The following PLD2 variants were observed in gnomAD, a reference collection of about 807,000 sequenced individuals.
PLD2 encodes the protein phospholipase D2.
In PLD2, 101 loss-of-function variants were observed where a neutral mutation model predicts 119.8. That is an observed-to-expected ratio of 0.84 (90% CI 0.72 to 0.99). The LOEUF (loss-of-function observed/expected upper bound fraction) is 0.99, where lower values mean the gene tolerates loss of function less well. PLD2 is among the 50% of genes least tolerant of loss of function. The probability of loss-of-function intolerance (pLI) is 0.00; values close to 1 mark genes in which losing one functional copy is unlikely to be tolerated. For missense variants in PLD2, 1,164 were observed against 1,226.8 expected (o/e 0.95, Z 0.76); for synonymous variants, 494 against 482.8 (o/e 1.02, Z -0.30).
rs1323388656 is a variant in PLD2, at chr17:4,818,831, C to G, written c.2173+8C>G. On this transcript the variant is annotated splice_region_variant and intron_variant, in intron 21 of 24. Coordinates refer to ENST00000263088, the MANE Select transcript of PLD2 (RefSeq NM_002663.5). ...ATCGCCTTAAAGCAGCCAGTGAGTG[C>G]TGGGGGCTGGGGGCTCAAGCCCTGG... 6.2e-7 allele frequency: 1 copy of G among 1,613,478 alleles called. No individual in the cohort carries two copies. Among genetic ancestry groups the G allele is most frequent in the South Asian group, 1.1e-5 (1 of 91,062 alleles).
At chr17:4,816,042 C>T (rs922879380) in intron 14 of PLD2, 108 bp downstream of exon 14, 79 of 809,786 alleles carry the variant, frequency 9.8e-5, no homozygotes, top group Middle Eastern at 4.7e-4. Context: ...CCCTGCCAAC[C>T]TCAGGGTTCC....
chr17:4,809,757 C>T lies in PLD2; in HGVS notation c.681C>T (p.Asp227=), dbSNP rs780574072. The T allele has an allele frequency of 4.3e-6, 7 of 1,614,100 alleles. No homozygotes were observed. The highest frequency in any genetic ancestry group is 5.9e-6 in the Non-Finnish European group (7 of 1,179,966). The change falls in exon 8 of 25, where the codon GAC becomes GAT. Residue 227 remains aspartate (D), a synonymous_variant. Coordinates refer to ENST00000263088, the MANE Select transcript of PLD2 (RefSeq NM_002663.5). ...RVPGLTCCGR[D]QVCYRWSKRW... Reference sequence around the variant, plus strand: ...CTGGCCTCACCTGCTGTGGCCGAGACCAAGTTTGTTATCGCTGGTCCAAGA... The same window carrying T: ...CTGGCCTCACCTGCTGTGGCCGAGATCAAGTTTGTTATCGCTGGTCCAAGA...
chr17:4,817,017 C>T lies in PLD2; in HGVS notation c.1663C>T (p.Leu555Phe). 6.2e-7 allele frequency: 1 copy of T among 1,613,940 alleles called. No individual in the cohort carries two copies. The highest frequency in any genetic ancestry group is 1.3e-5 in the African/African-American group (1 of 75,052). Residue 555 changes from leucine to phenylalanine, a missense_variant, in exon 16 of 25, where the codon CTT becomes TTT. By Grantham distance (22) the Leu-to-Phe change is conservative (BLOSUM62 0). Coordinates refer to ENST00000263088, the MANE Select transcript of PLD2 (RefSeq NM_002663.5). ...CGTCCATGGCCTACCGGCCCGGGAC[C>T]TTGCCCGGCACTTCATCCAGCGCTG... Reference protein sequence around the residue: ...VVVHGLPARDLARHFIQRWNF... With the variant: ...VVVHGLPARDFARHFIQRWNF...
chr17:4,819,426 C>A lies in PLD2; in HGVS notation c.2309-3C>A. The A allele has an allele frequency of 1.2e-6, 2 of 1,613,142 alleles. No individual in the cohort carries two copies. The highest frequency in any genetic ancestry group is 3.3e-4 in the Middle Eastern group (2 of 6,062). ...CACACAGTGTGCCCCGCATCCACCC[C>A]AGGTTCTGCAAACATCAATGACCGG... On this transcript the variant is annotated splice_polypyrimidine_tract_variant and splice_region_variant and intron_variant, in intron 22 of 24. Coordinates refer to ENST00000263088, the MANE Select transcript of PLD2 (RefSeq NM_002663.5). This position sits in a 1 kb window ranked among gnomAD's most constrained non-coding sequence, Gnocchi z 4.2.
At chr17:4,810,980 G>A (rs375544218) in intron 10 of PLD2, 29 bp downstream of exon 10, 1 of 1,586,196 alleles carries the variant, frequency 6.3e-7, no homozygotes, top group African/African-American at 1.3e-5. Context: ...TTCTGAGCTT[G>A]TCTGTGGCTT....
chr17:4,814,971 G>C (rs1263695686), intron 12 of PLD2, among the ~76,000 whole-genome samples: 1 of 152,034 alleles, frequency 6.6e-6, no homozygotes, highest in African/African-American at 2.4e-5. Flanking sequence ...GTTATCTGGG[G>C]GTATACATGT....
At position 4,815,943 on chromosome 17, in the gene PLD2, C is replaced by G. The variant is rs368920476; in HGVS notation, c.1455+9C>G. On this transcript the variant is annotated intron_variant, in intron 14 of 24. Transcript: ENST00000263088. ...AATCAGCTGCCTCCCAGGTAATCCC[C>G]CTGAGGCCTTCCTGAGCACCCCCAA... is the stretch of plus-strand genomic sequence containing the variant. The G allele has an allele frequency of 1.2e-4, 199 of 1,595,674 alleles. 1 individual carries two copies. The Middle Eastern group carries it at 1.8e-3, about 15-fold the overall frequency.
At chr17:4,822,111 G>A (rs1907737857) in intron 24 of PLD2, among the ~76,000 whole-genome samples, 1 of 152,128 alleles carries the variant, frequency 6.6e-6, no homozygotes, top group African/African-American at 2.4e-5. Flanking sequence ...GGGAGGCCAA[G>A]GCCCGGTGGA....
At chr17:4,822,078 C>A (rs927903049) in intron 24 of PLD2, among the ~76,000 whole-genome samples, 171 bp downstream of exon 24, 2 of 152,096 alleles carry the variant, frequency 1.3e-5, no homozygotes, top group Non-Finnish European at 2.9e-5. Context: ...TGCAGTGGCT[C>A]ATGCCTGTAA....
chr17:4,814,949 A>G (rs1438254647), intron 12 of PLD2, among the ~76,000 whole-genome samples: 1 of 152,080 alleles, frequency 6.6e-6, no homozygotes, highest in African/African-American at 2.4e-5. Context: ...AGTATACATA[A>G]TACTTTATTG....
At chr17:4,820,202 C>A (rs1199984321) in intron 23 of PLD2, among the ~76,000 whole-genome samples, 2 of 151,530 alleles carry the variant, frequency 1.3e-5, no homozygotes, top group Non-Finnish European at 2.9e-5. Context: ...CTTCAGCATT[C>A]CAAAGTGCTG....
rs1313596494 is a variant in PLD2, at chr17:4,814,517, C to T, written c.1094+16C>T. 1.3e-5 allele frequency: 21 copies of T among 1,612,698 alleles called. No individual in the cohort carries two copies. The highest frequency in any genetic ancestry group is 1.7e-5 in the Non-Finnish European group (20 of 1,179,492). On this transcript the variant is annotated intron_variant, in intron 11 of 24. Coordinates refer to ENST00000263088, the MANE Select transcript of PLD2 (RefSeq NM_002663.5). ...CAGACTGGTGGTGAGTGGGAAAAGGCCCCAACAACATGGGGCAGGATAGAG... is the reference window on the plus strand; with the variant it reads ...CAGACTGGTGGTGAGTGGGAAAAGGTCCCAACAACATGGGGCAGGATAGAG...
chr17:4,820,924 A>T (rs890629890), intron 23 of PLD2, among the ~76,000 whole-genome samples: 10 of 145,668 alleles, frequency 6.9e-5, no homozygotes, highest in Non-Finnish European at 1.5e-4. Flanking sequence ...TTTCTTTTTG[A>T]GACGGAGTCG....
At position 4,808,571 on chromosome 17, in the gene PLD2, C is replaced by A. The variant is rs935445644; in HGVS notation, c.383+155C>A. The A allele has an allele frequency of 4.3e-6, 3 of 703,170 alleles. No homozygotes were observed. In the East Asian group the frequency reaches 7.7e-5, roughly 18 times the overall value. 43.6% of individuals were successfully genotyped at this position (703,170 alleles called of 1,614,324 possible). A position where few individuals can be genotyped will look rare whatever the true frequency, so the allele number is the denominator to read the frequency against. The stretch of plus-strand genomic sequence containing the variant: ...TTACCAGGAAACTTTCCCTGCTCAG[C>A]TTTCCCTGTCCATGGTTCTGTGCCA... On this transcript the variant is annotated intron_variant, in intron 4 of 24. Transcript: ENST00000263088. The surrounding 1 kb of genome is among the most constrained non-coding windows in gnomAD (Gnocchi z 4.1).
intron 17 of PLD2, among the ~76,000 whole-genome samples, chr17:4,817,678 G>T (rs930045557): frequency 6.8e-6 from 1 of 147,666 alleles, no homozygotes; most frequent in Non-Finnish European, 1.5e-5. Flanking sequence ...AAAATAAAAG[G>T]CCAGGCGCAG....
chr17:4,818,412 G>GT, intron 19 of PLD2, 27 bp downstream of exon 19: 1 of 1,611,982 alleles, frequency 6.2e-7, no homozygotes, highest in Non-Finnish European at 8.5e-7. Flanking sequence ...GGAAGGTGGG[G>GT]ACTGTGGGTG....
chr17:4,809,452 A>C, intron 6 of PLD2, 41 bp from the exon 7 acceptor site: 1 of 1,610,698 alleles, frequency 6.2e-7, no homozygotes. Flanking sequence ...TGAGGGGCTG[A>C]AAGCCAGGTG....
At chr17:4,814,572 G>A (rs1270092524) in intron 11 of PLD2, 61 bp from the exon 12 acceptor site, 13 of 1,612,378 alleles carry the variant, frequency 8.1e-6, no homozygotes, top group African/African-American at 1.3e-5. Flanking sequence ...AGGAGGAGAA[G>A]GGGGGTGCAG....
Position 4,814,209 on chromosome 17 carries a change from G to A in PLD2, c.1011-209G>A, listed in dbSNP as rs1906743905. ...AATCCTCCTGTTCTTTAGTTGATTA[G>A]GTTATTGTGTCTTTTTGTAATTTTT... On this transcript the variant is annotated intron_variant, in intron 10 of 24. Transcript: ENST00000263088. 6.6e-6 allele frequency: 4 copies of A among 608,218 alleles called. No homozygotes were observed. In the South Asian group the frequency reaches 8.7e-5, roughly 13 times the overall value. 37.7% of individuals were successfully genotyped at this position (608,218 alleles called of 1,614,324 possible). A position where few individuals can be genotyped will look rare whatever the true frequency, so the allele number is the denominator to read the frequency against.
Sources: gnomAD v4.1 joint callset for allele counts (sites outside exome capture counted in the v4.1 genomes callset) on GRCh38, gnomAD v4.1.1 for gene constraint, Gnocchi (gnomAD v3.1) non-coding constraint, MANE v1.5 for transcripts, NCBI Gene and HGNC (gene_info 2026-07-23, HGNC 2026-07-21) for gene names.